The following PRXL2C variants were observed in gnomAD, a reference collection of about 807,000 sequenced individuals.
The protein encoded by PRXL2C is peroxiredoxin-like 2C.
In PRXL2C, 38 loss-of-function variants were observed where a neutral mutation model predicts 24.9. That is an observed-to-expected ratio of 1.53 (90% CI 1.18 to 2.00). The LOEUF (loss-of-function observed/expected upper bound fraction) is 2.00, where lower values mean the gene tolerates loss of function less well. Ranked by LOEUF, PRXL2C falls within the 30% of genes most tolerant of loss-of-function variation. PRXL2C has a pLI of 0.00. For missense variants in PRXL2C, 294 were observed against 290.9 expected (o/e 1.01, Z -0.08); for synonymous variants, 98 against 117.2 (o/e 0.84, Z 1.06).
At chr9:96,654,601 G>A (rs922561438) in intron 2 of PRXL2C, 104 bp downstream of exon 2, 7 of 1,008,420 alleles carry the variant, frequency 6.9e-6, no homozygotes, top group African/African-American at 4.9e-5. Flanking sequence ...CTGCGGGGAG[G>A]GGCAATCCAG....
At position 96,655,096 on chromosome 9, in the gene PRXL2C, G is replaced by C; in HGVS notation, c.186C>G (p.Phe62Leu). The C allele has an allele frequency of 6.9e-7, 1 of 1,452,318 alleles. No homozygotes were observed. The highest frequency in any genetic ancestry group is 9.0e-7 in the Non-Finnish European group (1 of 1,107,990). 90.0% of individuals were successfully genotyped at this position (1,452,318 alleles called of 1,614,324 possible). A position where few individuals can be genotyped will look rare whatever the true frequency, so the allele number is the denominator to read the frequency against. The change falls in exon 1 of 6, where the codon TTC becomes TTG. Residue 62 changes from phenylalanine to leucine, a missense_variant. Phe to Leu is a conservative substitution (Grantham distance 22). Transcript: ENST00000375234. ...LFRERRAVVV[F>L]VRHFLCYICK... ...AGCCCCGCCGCCCGCTCACCCGCACGAACACCACCACGGCGCGGCGCTCCC... is the reference window on the plus strand; with the variant it reads ...AGCCCCGCCGCCCGCTCACCCGCACCAACACCACCACGGCGCGGCGCTCCC...
chr9:96,648,480 A>G (rs1225896154), intron 4 of PRXL2C, among the ~76,000 whole-genome samples: 1 of 151,916 alleles, frequency 6.6e-6, no homozygotes, highest in Non-Finnish European at 1.5e-5. Flanking sequence ...ATATATTTTT[A>G]GTGCCTTAGT....
intron 2 of PRXL2C, 45 bp from the exon 3 acceptor site, chr9:96,651,757 C>T (rs752362961): frequency 5.3e-6 from 8 of 1,503,254 alleles, no homozygotes; most frequent in African/African-American, 1.5e-5. Flanking sequence ...AGAAATTATG[C>T]ATGTTTTATA....
At chr9:96,654,116 A>T (rs1280502507) in intron 2 of PRXL2C, among the ~76,000 whole-genome samples, 1 of 152,206 alleles carries the variant, frequency 6.6e-6, no homozygotes, top group Non-Finnish European at 1.5e-5. Flanking sequence ...CTGGGATTAC[A>T]GGCGTGAGCC....
chr9:96,654,108 G>C (rs1444625803), intron 2 of PRXL2C, among the ~76,000 whole-genome samples: 1 of 152,160 alleles, frequency 6.6e-6, no homozygotes, highest in African/African-American at 2.4e-5. Flanking sequence ...CCAAAGTGCT[G>C]GGATTACAGG....
intron 2 of PRXL2C, among the ~76,000 whole-genome samples, chr9:96,654,306 A>AT (rs1848316274): frequency 6.6e-6 from 1 of 152,264 alleles, no homozygotes; most frequent in African/African-American, 2.4e-5. Context: ...TCCTAGGGAC[A>AT]TGGAACTTGC....
At position 96,650,963 on chromosome 9, in the gene PRXL2C, C is replaced by G. The variant is rs532447993; in HGVS notation, c.421+427G>C. ...CACCCAGAAAATGAATCTTCTGGAG[C>G]CTGGTGTATCTGGACCACTTATTAG... is the stretch of plus-strand genomic sequence containing the variant. On this transcript the variant is annotated intron_variant, in intron 4 of 5. Coordinates refer to ENST00000375234, the MANE Select transcript of PRXL2C (RefSeq NM_153698.2). Among the ~76,000 whole-genome samples the G allele has an allele frequency of 1.4e-3, 208 of 152,184 alleles. 1 individual carries two copies. The highest frequency in any genetic ancestry group is 4.7e-3 in the African/African-American group (195 of 41,528).
intron 4 of PRXL2C, among the ~76,000 whole-genome samples, chr9:96,647,891 CCTT>C (rs1848216936): frequency 1.3e-5 from 2 of 151,744 alleles, no homozygotes; most frequent in East Asian, 1.9e-4. Context: ...CAAACTCTCT[CCTT>C]ATTTTTTAAA....
chr9:96,653,054 G>C (rs530273229), intron 2 of PRXL2C, among the ~76,000 whole-genome samples: 1 of 151,984 alleles, frequency 6.6e-6, no homozygotes, highest in Non-Finnish European at 1.5e-5. Context: ...GGTGAAACCC[G>C]TCTCTACTAA....
At chr9:96,649,680 T>C (rs113389233) in intron 4 of PRXL2C, among the ~76,000 whole-genome samples, 33 of 152,172 alleles carry the variant, frequency 2.2e-4, no homozygotes, top group African/African-American at 8.0e-4. Context: ...AGCCTTGTCA[T>C]TTCTTTCTAG....
Position 96,641,588 on chromosome 9 carries a change from C to G in PRXL2C, c.*171G>C, listed in dbSNP as rs1355178402. ...GGAAGTATATAACATATTTTGACAA[C>G]TGATGCTTCCCAGCATGCAATTCAA... is the stretch of plus-strand genomic sequence containing the variant. On this transcript the variant is annotated 3_prime_UTR_variant, in exon 6 of 6. Transcript: ENST00000375234. 4.2e-6 allele frequency: 2 copies of G among 479,088 alleles called. No homozygotes were observed. Among genetic ancestry groups the G allele is most frequent in the African/African-American group, 2.0e-5 (1 of 49,954 alleles). 29.7% of individuals were successfully genotyped at this position (479,088 alleles called of 1,614,324 possible).
rs927889441 is a variant in PRXL2C, at chr9:96,640,329, G to C, written c.*1430C>G. On this transcript the variant is annotated 3_prime_UTR_variant, in exon 6 of 6. Coordinates refer to ENST00000375234, the MANE Select transcript of PRXL2C (RefSeq NM_153698.2). ...GGATCACCTGAGGTATGGAGTTCGA[G>C]ACCAGCCTGGCCAACATGGTGGAAC... 1 of 150,942 alleles carries C rather than the reference G, an allele frequency of 6.6e-6. No individual in the cohort carries two copies. The highest frequency in any genetic ancestry group is 2.4e-5 in the African/African-American group (1 of 40,986). 9.4% of individuals were successfully genotyped at this position (150,942 alleles called of 1,614,324 possible).
rs1293169001 is a variant in PRXL2C, at chr9:96,641,764, C to T, written c.676G>A (p.Val226Met). Residue 226 changes from valine to methionine, a missense_variant, in exon 6 of 6, where the codon GTG becomes ATG. Physicochemically the swap from Val to Met is conservative, Grantham distance 21. Coordinates refer to ENST00000375234, the MANE Select transcript of PRXL2C (RefSeq NM_153698.2). ...GTGACTGAGTGCATTTTAAGTCACA[C>T]ATGGATAACTGAAGGTCTGTTTGTA... ...NFTNRPSVIH[V>M] The T allele has an allele frequency of 1.9e-6, 3 of 1,567,842 alleles. No homozygotes were observed. Among genetic ancestry groups the T allele is most frequent in the South Asian group, 2.3e-5 (2 of 85,520 alleles).
At chr9:96,651,257 AAC>A in intron 4 of PRXL2C, 131 bp downstream of exon 4, 1 of 656,782 alleles carries the variant, frequency 1.5e-6, no homozygotes. Flanking sequence ...CTGCCCCAGC[AAC>A]AGAGTGAGAC....
intron 1 of PRXL2C, 147 bp downstream of exon 1, chr9:96,654,943 C>A: frequency 8.3e-7 from 1 of 1,207,150 alleles, no homozygotes; most frequent in Non-Finnish European, 1.1e-6. Context: ...TCGCCCTCTC[C>A]CTGCCCCGCC....
intron 5 of PRXL2C, among the ~76,000 whole-genome samples, chr9:96,642,800 C>T (rs1357751645): frequency 2.6e-5 from 4 of 152,156 alleles, no homozygotes; most frequent in African/African-American, 9.7e-5. Context: ...ACCTCGGCCT[C>T]CCAAAGTGCT....
chr9:96,645,531 C>T lies in PRXL2C; in HGVS notation c.553+362G>A, dbSNP rs1438147247. 2.6e-5 allele frequency among the ~76,000 whole-genome samples: 4 copies of T among 151,898 alleles called. No homozygotes were observed. The South Asian group carries it at 6.2e-4, about 24-fold the overall frequency. On this transcript the variant is annotated intron_variant, in intron 5 of 5. Transcript: ENST00000375234. ...GTGGCCTCTGGGTGGGGCGCGGTGG[C>T]TCATGCCTGTAATCCCAACACTTTG...
At chr9:96,647,592 A>G (rs1391551091) in intron 4 of PRXL2C, among the ~76,000 whole-genome samples, 1 of 151,120 alleles carries the variant, frequency 6.6e-6, no homozygotes, top group Non-Finnish European at 1.5e-5. Flanking sequence ...GCACAATCAT[A>G]GCTCACTGCA....
At chr9:96,645,811 A>G (rs1314508846) in intron 5 of PRXL2C, 82 bp downstream of exon 5, 19 of 1,422,154 alleles carry the variant, frequency 1.3e-5, no homozygotes, top group African/African-American at 1.3e-4. Flanking sequence ...AAAAAAAAAA[A>G]GGAAAAGAAA....
Sources: gnomAD v4.1 joint callset for allele counts (sites outside exome capture counted in the v4.1 genomes callset) on GRCh38, gnomAD v4.1.1 for gene constraint, MANE v1.5 for transcripts, NCBI Gene and HGNC (gene_info 2026-07-23, HGNC 2026-07-21) for gene names.